The following HECW2 variants were observed in gnomAD, a reference collection of about 807,000 sequenced individuals.
HECW2 encodes the protein E3 ubiquitin-protein ligase HECW2.
Under a neutral mutation model 175.2 loss-of-function variants are expected in HECW2, and 61 were observed. The ratio of observed to expected loss-of-function variants is 0.35; its 90% CI spans 0.28 to 0.43. The LOEUF (loss-of-function observed/expected upper bound fraction) is 0.43, where lower values mean the gene tolerates loss of function less well. Ranked by LOEUF, HECW2 falls within the 20% of genes least tolerant of loss-of-function variation. The probability of loss-of-function intolerance (pLI) is 1.00; values close to 1 mark genes in which losing one functional copy is unlikely to be tolerated. For missense variants in HECW2, 1,524 were observed against 2,000.5 expected (o/e 0.76, Z 4.54); for synonymous variants, 671 against 731.0 (o/e 0.92, Z 1.32).
intron 2 of HECW2, among the ~76,000 whole-genome samples, chr2:196,361,240 T>TA (rs1229422845): frequency 1.3e-5 from 2 of 152,178 alleles, no homozygotes; most frequent in African/African-American, 4.8e-5. Flanking sequence ...TGCCACAAGA[T>TA]ACTACATAAA....
chr2:196,220,431 A>AG (rs1469572658), intron 25 of HECW2, among the ~76,000 whole-genome samples: 47 of 152,202 alleles, frequency 3.1e-4, no homozygotes, highest in Non-Finnish European at 5.9e-5. Context: ...CTACAGAAAA[A>AG]GTCACATACA....
intron 26 of HECW2, 31 bp downstream of exon 26, chr2:196,220,008 A>T: frequency 7.2e-7 from 1 of 1,381,180 alleles, no homozygotes; most frequent in Non-Finnish European, 1.0e-6. Context: ...TTTGAAATTT[A>T]AAATCTAGCC....
chr2:196,390,956 G>A (rs1041839710), intron 2 of HECW2, among the ~76,000 whole-genome samples: 2 of 152,034 alleles, frequency 1.3e-5, no homozygotes, highest in Admixed American at 6.6e-5. Flanking sequence ...ATTGGCATTG[G>A]CTGGTTATCT....
chr2:196,281,474 C>T (rs1461686198), intron 14 of HECW2, among the ~76,000 whole-genome samples: 3 of 151,528 alleles, frequency 2.0e-5, no homozygotes, highest in Admixed American at 1.3e-4. Context: ...CCTGTCTCTA[C>T]AAAATATTCA....
Position 196,319,855 on chromosome 2 carries a change from A to C in HECW2, c.1035T>G (p.Asn345Lys). ...CATCGGAAGGGCTACCTAAGTCTCC[A>C]TTCACAGAATTGACTCCAAGTATTG... Reference protein sequence around the residue: ...VGTILGVNSVNGDLGSPSDDE... With the variant: ...VGTILGVNSVKGDLGSPSDDE... The change falls in exon 9 of 29, where the codon AAT (asparagine) becomes AAG (lysine). Residue 345 changes from asparagine to lysine, a missense_variant. Asn to Lys is a moderately conservative substitution (Grantham distance 94). Coordinates refer to ENST00000644978, the MANE Select transcript of HECW2 (RefSeq NM_001348768.2). 6.2e-7 allele frequency: 1 copy of C among 1,613,792 alleles called. No individual in the cohort carries two copies. The highest frequency in any genetic ancestry group is 8.5e-7 in the Non-Finnish European group (1 of 1,179,712).
At chr2:196,361,698 C>A (rs1249673458) in intron 2 of HECW2, 2 of 653,312 alleles carry the variant, frequency 3.1e-6, no homozygotes, top group Non-Finnish European at 3.8e-6. Flanking sequence ...GGGAGGGGAC[C>A]ACTTTTAAGA....
intron 25 of HECW2, 134 bp downstream of exon 25, chr2:196,220,661 A>T: frequency 1.1e-6 from 1 of 938,816 alleles, no homozygotes; most frequent in Non-Finnish European, 1.6e-6. Flanking sequence ...AAGGGAAAAA[A>T]TACTGAACTT....
At chr2:196,203,454 GGAA>G (rs1358917595) in intron 28 of HECW2, among the ~76,000 whole-genome samples, 3 of 152,124 alleles carry the variant, frequency 2.0e-5, no homozygotes, top group East Asian at 1.9e-4. Flanking sequence ...GGGTAGGGGA[GGAA>G]GAAGCAGAAA....
Position 196,319,573 on chromosome 2 carries a change from C to T in HECW2, c.1317G>A (p.Arg439=). ...TCAGTTTCGGAGAGGCACCCATGGA[C>T]CTCTCAGAGCAGGTCGCTGTCCCCG... is the stretch of plus-strand genomic sequence containing the variant. ...SRPGTATCSE[R]SMGASPKLRS... Residue 439 remains arginine (R), a synonymous_variant, in exon 9 of 29, where the codon AGG becomes AGA. Transcript: ENST00000644978. The T allele has an allele frequency of 6.2e-7, 1 of 1,614,220 alleles. No homozygotes were observed. Among genetic ancestry groups the T allele is most frequent in the Non-Finnish European group, 8.5e-7 (1 of 1,180,036 alleles).
chr2:196,205,233 T>C (rs1317981964), intron 28 of HECW2, among the ~76,000 whole-genome samples: 3 of 152,320 alleles, frequency 2.0e-5, no homozygotes, highest in Admixed American at 1.3e-4. Flanking sequence ...AAAGATTAAA[T>C]GGTTTTCCCA....
At chr2:196,259,854 T>G (rs1380510940) in intron 17 of HECW2, among the ~76,000 whole-genome samples, 1 of 152,178 alleles carries the variant, frequency 6.6e-6, no homozygotes, top group African/African-American at 2.4e-5. Flanking sequence ...AGAACTACTC[T>G]TATAAGGGTC....
Position 196,199,563 on chromosome 2 carries a change from T to C in HECW2, c.*1714A>G, listed in dbSNP as rs1457693493. ...CATATGACCTCTATAAAATGTAAGA[T>C]TGCCAACATCCCATAATAGGAATTC... On this transcript the variant is annotated 3_prime_UTR_variant, in exon 29 of 29. Transcript: ENST00000644978. The C allele has an allele frequency of 6.6e-6, 1 of 152,560 alleles. No individual in the cohort carries two copies. The highest frequency in any genetic ancestry group is 1.5e-5 in the Non-Finnish European group (1 of 67,984). The allele number at this position is 152,560 out of a possible 1,614,324, so 9.5% of individuals were successfully genotyped here.
chr2:196,554,229 G>A (rs1409489910), intron 1 of HECW2, among the ~76,000 whole-genome samples: 1 of 152,126 alleles, frequency 6.6e-6, no homozygotes, highest in Non-Finnish European at 1.5e-5. Flanking sequence ...GGGAGGCTGA[G>A]GCAGGAGAAT....
intron 1 of HECW2, among the ~76,000 whole-genome samples, chr2:196,567,317 G>A (rs1690222515): frequency 6.6e-6 from 1 of 152,172 alleles, no homozygotes; most frequent in Admixed American, 6.5e-5. Context: ...TGTCTTTACT[G>A]GGCCACTGTG....
intron 1 of HECW2, among the ~76,000 whole-genome samples, chr2:196,581,823 C>G (rs925398713): frequency 6.6e-6 from 1 of 152,074 alleles, no homozygotes; most frequent in Non-Finnish European, 1.5e-5. Context: ...TCCCAGCACT[C>G]TGTGAGGACA....
Position 196,230,429 on chromosome 2 carries a change from T to C in HECW2, c.3765-2175A>G, listed in dbSNP as rs563207158. 1.6e-4 allele frequency among the ~76,000 whole-genome samples: 24 copies of C among 152,342 alleles called. No homozygotes were observed. The South Asian group carries it at 5.0e-3, about 32-fold the overall frequency. On this transcript the variant is annotated intron_variant, in intron 21 of 28. Transcript: ENST00000644978. ...TAGATCCTGAAGATATAAAACGTTT[T>C]CAAAGTCATTTTCCATTGGAACTTT...
intron 1 of HECW2, among the ~76,000 whole-genome samples, chr2:196,452,302 A>C (rs1303133067): frequency 1.3e-5 from 2 of 152,354 alleles, no homozygotes; most frequent in South Asian, 2.1e-4. Context: ...GTAGTGTTTT[A>C]GATATACTGA....
chr2:196,317,235 T>C, intron 10 of HECW2, 39 bp downstream of exon 10: 1 of 1,448,910 alleles, frequency 6.9e-7, no homozygotes, highest in Non-Finnish European at 9.6e-7. Context: ...CCTTTCACCG[T>C]TTGATTAAGG....
At chr2:196,234,473 T>A (rs1688168209) in intron 21 of HECW2, among the ~76,000 whole-genome samples, 1 of 151,952 alleles carries the variant, frequency 6.6e-6, no homozygotes, top group South Asian at 2.1e-4. Flanking sequence ...TTATTTATTT[T>A]TTATAGAAAT....
Sources: allele counts gnomAD v4.1 joint callset (sites outside exome capture counted in the v4.1 genomes callset), GRCh38; gene constraint gnomAD v4.1.1; transcripts MANE v1.5; gene names NCBI Gene and HGNC (gene_info 2026-07-23, HGNC 2026-07-21).